NECAB2: variants seen among roughly 807,000 people sequenced by gnomAD.
The protein encoded by NECAB2 is N-terminal EF-hand calcium binding protein 2.
Under a neutral mutation model 51.9 loss-of-function variants are expected in NECAB2, and 68 were observed. That is an observed-to-expected ratio of 1.31 (90% CI 1.08 to 1.60). NECAB2 has a LOEUF of 1.60. NECAB2 is among the 40% of genes most tolerant of loss of function. The pLI is 0.00. For synonymous variants in NECAB2, 329 were observed against 203.5 expected (o/e 1.62, Z -5.25); for missense variants, 854 against 490.3 (o/e 1.74, Z -7.00).
At chr16:84,001,670 C>A (rs1479400674) in intron 11 of NECAB2, among the ~76,000 whole-genome samples, 155 bp from the exon 12 acceptor site, 2 of 104,380 alleles carry the variant, frequency 1.9e-5, no homozygotes, top group Non-Finnish European at 3.4e-5. Flanking sequence ...CCTCCCTGGG[C>A]ACCCCCTCAC....
chr16:84,002,498 C>G lies in NECAB2; in HGVS notation c.*152C>G. On this transcript the variant is annotated 3_prime_UTR_variant, in exon 13 of 13. Coordinates refer to ENST00000305202, the MANE Select transcript of NECAB2 (RefSeq NM_019065.3). ...TTCCCTGTTGTTAAGTGAAGGAGGCCGCCCCTGCCCCCACCTGAGAAGGCA... is the reference window on the plus strand; with the variant it reads ...TTCCCTGTTGTTAAGTGAAGGAGGCGGCCCCTGCCCCCACCTGAGAAGGCA... 1.0e-6 allele frequency: 1 copy of G among 984,074 alleles called. No homozygotes were observed. The highest frequency in any genetic ancestry group is 1.5e-6 in the Non-Finnish European group (1 of 648,986). 61.0% of individuals were successfully genotyped at this position (984,074 alleles called of 1,614,324 possible).
intron 5 of NECAB2, 127 bp from the exon 6 acceptor site, chr16:83,990,367 G>A (rs9939114): frequency 0.025 from 30,702 of 1,233,564 alleles, 662 homozygotes; most frequent in Admixed American, 0.09. Context: ...GGAGGCCGTG[G>A]GGTCCTCCCT....
chr16:84,001,344 A>T (rs1401247405), intron 11 of NECAB2, among the ~76,000 whole-genome samples: 1 of 152,090 alleles, frequency 6.6e-6, no homozygotes, highest in African/African-American at 2.4e-5. Context: ...GCCTAGGGGT[A>T]GCCCATGCCC....
At chr16:83,975,627 C>T (rs139582014) in intron 2 of NECAB2, among the ~76,000 whole-genome samples, 1 of 152,074 alleles carries the variant, frequency 6.6e-6, no homozygotes. Flanking sequence ...TACCGGATGC[C>T]CAGTCCCTAT....
At position 83,972,195 on chromosome 16, in the gene NECAB2, C is replaced by G. The variant is rs771125729; in HGVS notation, c.226+20C>G. 1.2e-6 allele frequency: 2 copies of G among 1,613,408 alleles called. No homozygotes were observed. The highest frequency in any genetic ancestry group is 1.7e-6 in the Non-Finnish European group (2 of 1,180,012). On this transcript the variant is annotated intron_variant, in intron 2 of 12. Coordinates refer to ENST00000305202, the MANE Select transcript of NECAB2 (RefSeq NM_019065.3). Reference sequence around the variant, plus strand: ...AAAATGGTGAGTTTCCCTTCCAGGCCGACGGCCGCCCCACTCCTTCTGTCC... The same window carrying G: ...AAAATGGTGAGTTTCCCTTCCAGGCGGACGGCCGCCCCACTCCTTCTGTCC...
chr16:83,991,799 C>T (rs1055138300), intron 6 of NECAB2, among the ~76,000 whole-genome samples: 24 of 150,832 alleles, frequency 1.6e-4, no homozygotes, highest in Non-Finnish European at 2.4e-4. Context: ...GGCATGTAGT[C>T]CCACCCACAC....
rs771515727 is a variant in NECAB2 at position 83,978,437 on chromosome 16, C to A, written c.227-7C>A. On this transcript the variant is annotated splice_polypyrimidine_tract_variant and splice_region_variant and intron_variant, in intron 2 of 12. Transcript: ENST00000305202. The stretch of plus-strand genomic sequence containing the variant: ...ACCAGCTCCTTTCTCTGCTTCCTTC[C>A]TTGCAGATGATGGGAAGCTGTCCTT... 2 of 1,612,408 alleles carry A rather than the reference C, an allele frequency of 1.2e-6. No homozygotes were observed. Among genetic ancestry groups the A allele is most frequent in the Admixed American group, 1.7e-5 (1 of 60,006 alleles).
chr16:83,973,805 G>A (rs906400824), intron 2 of NECAB2, among the ~76,000 whole-genome samples: 1 of 152,104 alleles, frequency 6.6e-6, no homozygotes, highest in East Asian at 1.9e-4. Flanking sequence ...TGCGTATCTC[G>A]GTGACTCAGC....
chr16:83,975,757 C>T (rs1271182277), intron 2 of NECAB2, among the ~76,000 whole-genome samples: 1 of 152,126 alleles, frequency 6.6e-6, no homozygotes, highest in Non-Finnish European at 1.5e-5. Context: ...GGCTGACAGG[C>T]TCTTGGCATT....
At chr16:83,974,041 C>A (rs989308611) in intron 2 of NECAB2, among the ~76,000 whole-genome samples, 1 of 149,520 alleles carries the variant, frequency 6.7e-6, no homozygotes, top group Non-Finnish European at 1.5e-5. Flanking sequence ...TGTGTCCACC[C>A]CCTGAGCACA....
chr16:83,975,243 A>G (rs1290696678), intron 2 of NECAB2, among the ~76,000 whole-genome samples: 29 of 92,364 alleles, frequency 3.1e-4, no homozygotes, highest in Middle Eastern at 0.011. Context: ...TTGGTGCGGG[A>G]ATGTGAACCG....
intron 2 of NECAB2, among the ~76,000 whole-genome samples, chr16:83,973,964 G>A (rs1212692680): frequency 6.6e-6 from 1 of 152,106 alleles, no homozygotes; most frequent in Non-Finnish European, 1.5e-5. Flanking sequence ...TTGGGCAGGT[G>A]GTGCCTGGCC....
intron 6 of NECAB2, chr16:83,993,593 T>C (rs1419531734): frequency 6.5e-6 from 1 of 154,316 alleles, no homozygotes; most frequent in Non-Finnish European, 1.5e-5. Flanking sequence ...GAGTCCCTAC[T>C]ATGTGCTGGA....
intron 2 of NECAB2, among the ~76,000 whole-genome samples, chr16:83,976,634 G>GT (rs1245046818): frequency 2.0e-5 from 3 of 152,116 alleles, no homozygotes; most frequent in Non-Finnish European, 4.4e-5. Flanking sequence ...TTGGATTGGG[G>GT]TTTTTTTGGC....
chr16:84,000,061 T>TTTA (rs1567680581), intron 10 of NECAB2, among the ~76,000 whole-genome samples: 1 of 104,614 alleles, frequency 9.6e-6, no homozygotes, highest in African/African-American at 9.6e-5. Context: ...AAGTTTTATT[T>TTTA]TTTTTTTTTT....
rs2084476683 is a variant in NECAB2 at position 83,980,769 on chromosome 16, G to A, written c.336-70G>A. The A allele has an allele frequency of 5.2e-6, 8 of 1,524,532 alleles. No homozygotes were observed. The African/African-American group carries it at 5.5e-5, about 11-fold the overall frequency. The allele number at this position is 1,524,532 out of a possible 1,614,324, so 94.4% of individuals were successfully genotyped here. On this transcript the variant is annotated intron_variant, in intron 3 of 12. Transcript: ENST00000305202. ...AGCAGGCAGGATGTGTGTTTCGCAGGCTGTGCAGGGTCAGGCCTGCTAACC... is the reference window on the plus strand; with the variant it reads ...AGCAGGCAGGATGTGTGTTTCGCAGACTGTGCAGGGTCAGGCCTGCTAACC...
rs569493662 is a variant in NECAB2, at chr16:84,002,201, G to A, written c.1133-117G>A. 1.8e-5 allele frequency: 24 copies of A among 1,312,968 alleles called. No homozygotes were observed. The South Asian group carries it at 2.5e-4, about 14-fold the overall frequency. The allele number at this position is 1,312,968 out of a possible 1,614,324, so 81.3% of individuals were successfully genotyped here. On this transcript the variant is annotated intron_variant, in intron 12 of 12. Coordinates refer to ENST00000305202, the MANE Select transcript of NECAB2 (RefSeq NM_019065.3). ...GCACCTGGGTGACCAGCAAGGACCT[G>A]TGTGTCACACAAGGACTCAAAGCCA...
chr16:84,002,031 A>C, intron 12 of NECAB2, 115 bp downstream of exon 12: 1 of 1,228,008 alleles, frequency 8.1e-7, no homozygotes, highest in Non-Finnish European at 1.2e-6. Context: ...GCCCACTGTC[A>C]GCTCCTGCCA....
intron 9 of NECAB2, among the ~76,000 whole-genome samples, chr16:83,997,479 CTTTTTTTTTTTTTT>C (rs11296947): frequency 1.9e-5 from 1 of 53,230 alleles, no homozygotes; most frequent in East Asian, 6.6e-4. Flanking sequence ...CTCCCTGGAC[CTTTTTTTTTTTTTT>C]TTTTTTTTTT....
Sources: gnomAD v4.1 joint callset for allele counts (sites outside exome capture counted in the v4.1 genomes callset) on GRCh38, gnomAD v4.1.1 for gene constraint, MANE v1.5 for transcripts, NCBI Gene and HGNC (gene_info 2026-07-23, HGNC 2026-07-21) for gene names.